WDR7: variants seen among roughly 807,000 people sequenced by gnomAD.
The protein encoded by WDR7 is WD repeat-containing protein 7.
In WDR7, 46 loss-of-function variants were observed where a neutral mutation model predicts 169.4. That is an observed-to-expected ratio of 0.27 (90% CI 0.21 to 0.35). The LOEUF (loss-of-function observed/expected upper bound fraction) is 0.35. Among genes scored for constraint, WDR7 ranks in the 10% least tolerant of loss-of-function variants. The pLI is 1.00. For synonymous variants in WDR7, 612 were observed against 666.8 expected, an observed-to-expected ratio of 0.92 and a Z score of 1.27; for missense variants, 1,534 against 1,859.3, an observed-to-expected ratio of 0.83 and a Z score of 3.22.
chr18:56,771,915 C>G (rs1051855064), intron 16 of WDR7, among the ~76,000 whole-genome samples: 1 of 151,150 alleles, frequency 6.6e-6, no homozygotes, highest in Non-Finnish European at 1.5e-5. Context: ...CAGAAATTAT[C>G]GGGGTGTGAT....
rs887420389 is a variant in WDR7, at chr18:57,027,404, C to T, written c.*197C>T. 2.6e-5 allele frequency: 17 copies of T among 643,376 alleles called. No individual in the cohort carries two copies. The highest frequency in any genetic ancestry group is 3.9e-5 in the South Asian group (2 of 50,840). 39.9% of individuals were successfully genotyped at this position (643,376 alleles called of 1,614,324 possible). On this transcript the variant is annotated 3_prime_UTR_variant, in exon 28 of 28. Transcript: ENST00000254442. ...CGTGCCATCTGTCGATTCAGAGGCACGCACACATGCTCTGCAGGATGTGGC... is the reference window on the plus strand; with the variant it reads ...CGTGCCATCTGTCGATTCAGAGGCATGCACACATGCTCTGCAGGATGTGGC...
chr18:56,978,900 G>T lies in WDR7; in HGVS notation c.4164+16371G>T, dbSNP rs561239379. Among the ~76,000 whole-genome samples, 6 of 152,270 alleles carry T rather than the reference G, an allele frequency of 3.9e-5. No individual in the cohort carries two copies. The South Asian group carries it at 1.2e-3, about 32-fold the overall frequency. Reference sequence around the variant, plus strand: ...AGTTTACGGAATAAAATAACATACTGTATGAGGAACAAATAATGTGTGAAT... The same window carrying T: ...AGTTTACGGAATAAAATAACATACTTTATGAGGAACAAATAATGTGTGAAT... On this transcript the variant is annotated intron_variant, in intron 26 of 27. Transcript: ENST00000254442.
chr18:56,977,562 A>G (rs1253712099), intron 26 of WDR7, among the ~76,000 whole-genome samples: 1 of 152,230 alleles, frequency 6.6e-6, no homozygotes, highest in African/African-American at 2.4e-5. Flanking sequence ...GCTTGTAGAC[A>G]AAGTAGGTGC....
intron 26 of WDR7, among the ~76,000 whole-genome samples, chr18:56,967,360 C>T (rs28554018): frequency 0.062 from 9,483 of 151,974 alleles, 1,003 homozygotes; most frequent in African/African-American, 0.21. Flanking sequence ...ACTTGGGAAC[C>T]GCCAGCAATT....
chr18:56,651,998 G>C (rs1473589420), intron 1 of WDR7, among the ~76,000 whole-genome samples: 1 of 152,148 alleles, frequency 6.6e-6, no homozygotes, highest in Admixed American at 6.5e-5. Context: ...CATGCCCAAG[G>C]TACTGACACC....
At chr18:56,790,132 C>T (rs936898867) in intron 19 of WDR7, among the ~76,000 whole-genome samples, 26 of 152,148 alleles carry the variant, frequency 1.7e-4, no homozygotes, top group African/African-American at 5.5e-4. Flanking sequence ...AATACCGGAA[C>T]GTGTCTTTGT....
chr18:56,976,044 T>C (rs2047560134), intron 26 of WDR7, among the ~76,000 whole-genome samples: 1 of 152,118 alleles, frequency 6.6e-6, no homozygotes, highest in Non-Finnish European at 1.5e-5. Context: ...ACCTTCAATT[T>C]TGGAAGGTCG....
Position 56,776,855 on chromosome 18 carries a change from A to G in WDR7, c.2922A>G (p.Leu974=). 2 of 1,613,870 alleles carry G rather than the reference A, an allele frequency of 1.2e-6. No individual in the cohort carries two copies. The highest frequency in any genetic ancestry group is 1.7e-6 in the Non-Finnish European group (2 of 1,179,860). ...CTGACCCTCCTTCTGCTCCTGCTTT[A>G]CATACCTGTTTCTTAGTAAATGAAG... The part of the protein sequence containing the change: ...SGSDPPSAPA[L]HTCFLVNEGW... The change falls in exon 17 of 28, where the codon TTA becomes TTG. Residue 974 remains leucine, a synonymous_variant. Transcript: ENST00000254442.
At chr18:56,810,562 T>C (rs2044850762) in intron 19 of WDR7, among the ~76,000 whole-genome samples, 1 of 152,150 alleles carries the variant, frequency 6.6e-6, no homozygotes, top group Non-Finnish European at 1.5e-5. Context: ...ATAGTTTAAT[T>C]TTTAAAAATT....
Position 56,757,302 on chromosome 18 carries a change from T to A in WDR7, c.2709T>A (p.Ser903Arg), listed in dbSNP as rs2043908447. Residue 903 changes from serine (S) to arginine (R), a missense_variant, in exon 15 of 28, where the codon AGT becomes AGA. Coordinates refer to ENST00000254442, the MANE Select transcript of WDR7 (RefSeq NM_015285.3). ...SIISLANTLM[S>R]MTNATFIGDH... The stretch of plus-strand genomic sequence containing the variant: ...TTTCTTTGGCAAATACTTTAATGAG[T>A]ATGACCAATGCAACTTTTATTGGTG... The A allele has an allele frequency of 6.2e-7, 1 of 1,613,686 alleles. No homozygotes were observed. The highest frequency in any genetic ancestry group is 8.5e-7 in the Non-Finnish European group (1 of 1,179,782).
rs115988249 is a variant in WDR7 at position 57,001,487 on chromosome 18, C to G, written c.4165-19258C>G. Among the ~76,000 whole-genome samples, 407 of 152,238 alleles carry G rather than the reference C, an allele frequency of 2.7e-3. 1 individual carries two copies. Among genetic ancestry groups the G allele is most frequent in the African/African-American group, 9.3e-3 (387 of 41,546 alleles). ...TGGATCCAGGCAGGAGCAACAAAAG[C>G]TCCAACTCACTCTTTCCTGATGTAT... On this transcript the variant is annotated intron_variant, in intron 26 of 27. Coordinates refer to ENST00000254442, the MANE Select transcript of WDR7 (RefSeq NM_015285.3).
chr18:56,874,154 T>C (rs576424231), intron 20 of WDR7, among the ~76,000 whole-genome samples: 2 of 152,362 alleles, frequency 1.3e-5, no homozygotes, highest in Non-Finnish European at 2.9e-5. Flanking sequence ...GTGCCTGTTC[T>C]TATACATAAA....
At chr18:56,724,922 C>A (rs750759924) in intron 13 of WDR7, among the ~76,000 whole-genome samples, 1 of 151,934 alleles carries the variant, frequency 6.6e-6, no homozygotes, top group Non-Finnish European at 1.5e-5. Context: ...TTTGTCCTTG[C>A]GATAGTTTGC....
chr18:56,990,179 C>T (rs1288666543), intron 26 of WDR7, among the ~76,000 whole-genome samples: 2 of 152,186 alleles, frequency 1.3e-5, no homozygotes. Flanking sequence ...GCTGAAGACC[C>T]AAGAATTCTC....
chr18:56,781,910 A>C, intron 19 of WDR7: 1 of 270,372 alleles, frequency 3.7e-6, no homozygotes, highest in Non-Finnish European at 6.8e-6. Context: ...TGAATTCCCC[A>C]TCAAACATCC....
rs766805419 is a variant in WDR7 at position 57,027,254 on chromosome 18, C to T, written c.*47C>T. 7.1e-6 allele frequency: 11 copies of T among 1,550,446 alleles called. No homozygotes were observed. In the East Asian group the frequency reaches 2.7e-4, roughly 38 times the overall value. On this transcript the variant is annotated 3_prime_UTR_variant, in exon 28 of 28. Transcript: ENST00000254442. Reference sequence around the variant, plus strand: ...CTGCGTTTTAGTTCTCTAAATTATCCAAGCCGATGTTGCTCTGTCCTTCCT... The same window carrying T: ...CTGCGTTTTAGTTCTCTAAATTATCTAAGCCGATGTTGCTCTGTCCTTCCT...
rs540484455 is a variant in WDR7 at position 57,028,220 on chromosome 18, G to T, written c.*1013G>T. On this transcript the variant is annotated 3_prime_UTR_variant, in exon 28 of 28. Coordinates refer to ENST00000254442, the MANE Select transcript of WDR7 (RefSeq NM_015285.3). ...TGATCAACTAAAGGAAAGCTAATAA[G>T]GTATTTCTTTTAAACAAGTATTCTG... 2 of 152,208 alleles carry T rather than the reference G, an allele frequency of 1.3e-5. No individual in the cohort carries two copies. The highest frequency in any genetic ancestry group is 4.1e-4 in the South Asian group (2 of 4,820). 9.4% of individuals were successfully genotyped at this position (152,208 alleles called of 1,614,324 possible).
downstream of WDR7, chr18:57,034,727 T>C (rs976001183): frequency 6.6e-6 from 1 of 151,652 alleles, no homozygotes; most frequent in Non-Finnish European, 1.5e-5. Flanking sequence ...TGTTGTGGAG[T>C]GCTCTGGAAA....
intron 1 of WDR7, among the ~76,000 whole-genome samples, chr18:56,670,570 G>A (rs1432051253): frequency 6.6e-6 from 1 of 152,038 alleles, no homozygotes. Context: ...GAATGCAGTG[G>A]CGCGATCTCG....
Sources: allele counts gnomAD v4.1 joint callset (sites outside exome capture counted in the v4.1 genomes callset), GRCh38; gene constraint gnomAD v4.1.1; transcripts MANE v1.5; gene names NCBI Gene and HGNC (gene_info 2026-07-23, HGNC 2026-07-21).